XIRP2: variants seen among roughly 807,000 people sequenced by gnomAD.
XIRP2 encodes the protein xin actin-binding repeat-containing protein 2.
A neutral mutation model predicts 277.0 loss-of-function variants in XIRP2; 236 were observed. That is an observed-to-expected ratio of 0.85 (90% CI 0.77 to 0.95). The LOEUF (loss-of-function observed/expected upper bound fraction) is 0.95. Ranked by LOEUF, XIRP2 falls within the 40% of genes least tolerant of loss-of-function variation. The pLI, the probability that XIRP2 is intolerant of heterozygous loss-of-function variation, is 0.00. For synonymous variants in XIRP2, 1,490 were observed against 1,416.5 expected (o/e 1.05, Z -1.17); for missense variants, 4,640 against 4,157.5 (o/e 1.12, Z -3.19).
intron 3 of XIRP2, among the ~76,000 whole-genome samples, chr2:167,151,877 T>A (rs1203673136): frequency 2.0e-5 from 3 of 152,142 alleles, no homozygotes; most frequent in African/African-American, 7.2e-5. Flanking sequence ...TTTTAAAAAT[T>A]CAATTTGCTA....
At chr2:167,163,112 C>T (rs1692418600) in intron 3 of XIRP2, among the ~76,000 whole-genome samples, 1 of 152,134 alleles carries the variant, frequency 6.6e-6, no homozygotes, top group East Asian at 1.9e-4. Flanking sequence ...TAGTTTCAGG[C>T]TATTAAGACT....
chr2:166,928,405 CACTT>C (rs1391827167), intron 2 of XIRP2, among the ~76,000 whole-genome samples: 2 of 152,230 alleles, frequency 1.3e-5, no homozygotes, highest in East Asian at 3.9e-4. Flanking sequence ...AGGCTGTTAA[CACTT>C]AGTATAAAAG....
At chr2:167,041,712 C>T (rs919842261) in intron 2 of XIRP2, among the ~76,000 whole-genome samples, 12 of 152,054 alleles carry the variant, frequency 7.9e-5, no homozygotes, top group Non-Finnish European at 1.8e-4. Flanking sequence ...TTTGGAATCT[C>T]AGAAAGACAG....
chr2:167,131,674 G>T (rs565503637), intron 2 of XIRP2, among the ~76,000 whole-genome samples: 1 of 152,006 alleles, frequency 6.6e-6, no homozygotes, highest in African/African-American at 2.4e-5. Flanking sequence ...TTTAATGTTG[G>T]CATTTTTCAA....
intron 2 of XIRP2, among the ~76,000 whole-genome samples, chr2:166,979,147 A>G (rs1485292394): frequency 6.6e-6 from 1 of 152,058 alleles, no homozygotes; most frequent in Non-Finnish European, 1.5e-5. Flanking sequence ...TTCATGGAAC[A>G]TGGTTCATAA....
intron 2 of XIRP2, among the ~76,000 whole-genome samples, chr2:167,011,488 G>C (rs1687678169): frequency 6.6e-6 from 1 of 151,666 alleles, no homozygotes; most frequent in South Asian, 2.1e-4. Context: ...ATTTTATTGA[G>C]GATTTTTGCA....
intron 3 of XIRP2, among the ~76,000 whole-genome samples, chr2:167,178,500 C>T (rs1364523740): frequency 6.6e-6 from 1 of 152,076 alleles, no homozygotes; most frequent in African/African-American, 2.4e-5. Flanking sequence ...TTACTAAACA[C>T]TATTGTTTGA....
chr2:167,204,891 A>G (rs754682421), intron 3 of XIRP2, among the ~76,000 whole-genome samples: 1 of 152,202 alleles, frequency 6.6e-6, no homozygotes, highest in Non-Finnish European at 1.5e-5. Flanking sequence ...CCAAAGATTC[A>G]TAATTTTTAA....
chr2:167,248,981 A>G lies in XIRP2; in HGVS notation c.7589A>G (p.Gln2530Arg), dbSNP rs1246183612. ...CATTCATTTCCAGAGAGTTCAGGAC[A>G]ACAAAATCCAAAACCTTATATGAGA... Reference protein sequence around the residue: ...KSHSFPESSGQQNPKPYMRKF... With the variant: ...KSHSFPESSGRQNPKPYMRKF... The change falls in exon 9 of 11, where the codon CAA becomes CGA. Residue 2530 changes from glutamine (Q) to arginine (R), a missense_variant. Physicochemically the swap from Gln to Arg is conservative, Grantham distance 43. Coordinates refer to ENST00000409195, the MANE Select transcript of XIRP2 (RefSeq NM_152381.6). The G allele has an allele frequency of 6.2e-7, 1 of 1,613,232 alleles. No homozygotes were observed. The highest frequency in any genetic ancestry group is 8.5e-7 in the Non-Finnish European group (1 of 1,179,694).
intron 2 of XIRP2, among the ~76,000 whole-genome samples, chr2:166,974,984 T>C (rs1686673679): frequency 6.6e-6 from 1 of 152,076 alleles, no homozygotes; most frequent in South Asian, 2.1e-4. Flanking sequence ...CTAGTATAAC[T>C]ATACTAATAC....
intron 2 of XIRP2, among the ~76,000 whole-genome samples, chr2:167,074,805 A>C (rs1320313032): frequency 2.6e-5 from 4 of 152,138 alleles, no homozygotes; most frequent in Non-Finnish European, 5.9e-5. Flanking sequence ...ACACTCAGGC[A>C]ATAGAGACAG....
At chr2:167,003,974 A>T (rs1185762913) in intron 2 of XIRP2, among the ~76,000 whole-genome samples, 2 of 151,978 alleles carry the variant, frequency 1.3e-5, no homozygotes, top group African/African-American at 4.8e-5. Context: ...GGAAGGTTTT[A>T]AATTATCGAG....
chr2:167,252,037 T>C, intron 9 of XIRP2, 90 bp downstream of exon 9: 2 of 1,488,052 alleles, frequency 1.3e-6, no homozygotes, highest in Non-Finnish European at 1.8e-6. Flanking sequence ...AAAGAGTGCG[T>C]GGAAACAACC....
In XIRP2 at chr2:167,242,846, C is replaced by T. The variant is rs748865096; in HGVS notation, c.1454C>T (p.Pro485Leu). 2 of 1,614,050 alleles carry T rather than the reference C, an allele frequency of 1.2e-6. No individual in the cohort carries two copies. Among genetic ancestry groups the T allele is most frequent in the Non-Finnish European group, 1.7e-6 (2 of 1,180,000 alleles). ...LPSPPRRLPVPKDVYSKQRNL... is the reference protein window; with the variant it reads ...LPSPPRRLPVLKDVYSKQRNL... ...AGTCCTCCTAGAAGACTACCAGTCC[C>T]CAAAGATGTATATTCCAAGCAAAGA... is the stretch of plus-strand genomic sequence containing the variant. Residue 485 changes from proline (P) to leucine (L), a missense_variant, in exon 9 of 11, where the codon CCC becomes CTC. Pro to Leu is a moderately conservative substitution (Grantham distance 98). Coordinates refer to ENST00000409195, the MANE Select transcript of XIRP2 (RefSeq NM_152381.6).
At chr2:167,007,379 A>G (rs1287323796) in intron 2 of XIRP2, among the ~76,000 whole-genome samples, 4 of 151,726 alleles carry the variant, frequency 2.6e-5, no homozygotes, top group Non-Finnish European at 5.9e-5. Flanking sequence ...ACAAAATGTT[A>G]GAGCTGAAAT....
chr2:167,040,906 A>T (rs1688643463), intron 2 of XIRP2, among the ~76,000 whole-genome samples: 1 of 152,206 alleles, frequency 6.6e-6, no homozygotes, highest in Non-Finnish European at 1.5e-5. Context: ...TGTGAGGGGC[A>T]TGCACAGACT....
chr2:166,889,581 T>G (rs7580842), intron 1 of XIRP2: 36,099 of 152,632 alleles, frequency 0.24, 4,487 homozygotes, highest in Admixed American at 0.29. Context: ...CCTTCTTCCT[T>G]GCAGCCTTCT....
At chr2:167,210,433 T>C (rs894672137) in intron 3 of XIRP2, among the ~76,000 whole-genome samples, 7 of 152,330 alleles carry the variant, frequency 4.6e-5, no homozygotes, top group Non-Finnish European at 1.0e-4. Context: ...ATTCAAAACA[T>C]AGTGCTTGAG....
chr2:167,070,763 C>T (rs966742475), intron 2 of XIRP2, among the ~76,000 whole-genome samples: 2 of 152,038 alleles, frequency 1.3e-5, no homozygotes, highest in Non-Finnish European at 2.9e-5. Flanking sequence ...ATACCAGGCT[C>T]AAGGAAAGTT....
Sources: allele counts gnomAD v4.1 joint callset (sites outside exome capture counted in the v4.1 genomes callset), GRCh38; gene constraint gnomAD v4.1.1; transcripts MANE v1.5; gene names NCBI Gene and HGNC (gene_info 2026-07-23, HGNC 2026-07-21).